Variants in STX8 observed in about 807,000 individuals in gnomAD.
STX8 encodes the protein syntaxin-8.
A neutral mutation model predicts 37.5 loss-of-function variants in STX8; 23 were observed. The observed-to-expected ratio is 0.61, with a 90% CI of 0.44 to 0.87. STX8 has a LOEUF of 0.87. Among genes scored for constraint, STX8 ranks in the 40% least tolerant of loss-of-function variants. The pLI is 0.00. For missense variants in STX8, 313 were observed against 284.7 expected (o/e 1.10, Z -0.71); for synonymous variants, 115 against 99.1 (o/e 1.16, Z -0.95).
Position 9,450,234 on chromosome 17 carries a change from C to T in STX8, c.541+41595G>A, listed in dbSNP as rs147357795. ...GGGAAAACAGGTATGCGCCACCACG[C>T]CCGGCTAATTTTTGTATTTTTAGTA... On this transcript the variant is annotated intron_variant, in intron 6 of 7. Transcript: ENST00000306357. Among the ~76,000 whole-genome samples, 533 of 151,110 alleles carry T rather than the reference C, an allele frequency of 3.5e-3. 10 individuals are homozygous for T. Among genetic ancestry groups the T allele is most frequent in the African/African-American group, 0.011 (434 of 40,852 alleles).
intron 7 of STX8, among the ~76,000 whole-genome samples, chr17:9,263,272 T>A (rs993215795): frequency 1.3e-5 from 2 of 151,814 alleles, no homozygotes; most frequent in African/African-American, 4.8e-5. Context: ...AGGTCGGGAG[T>A]TCGAGACCAG....
chr17:9,261,755 GC>G (rs1403832521), intron 7 of STX8, among the ~76,000 whole-genome samples: 2 of 152,012 alleles, frequency 1.3e-5, no homozygotes, highest in Non-Finnish European at 2.9e-5. Flanking sequence ...GAGTTGTCAA[GC>G]CAATAATTTA....
At chr17:9,561,027 AAAT>A (rs1426338300) in intron 2 of STX8, among the ~76,000 whole-genome samples, 1 of 152,172 alleles carries the variant, frequency 6.6e-6, no homozygotes, top group African/African-American at 2.4e-5. Flanking sequence ...AATGGGGAAA[AAAT>A]AAAATTAGAT....
At chr17:9,364,340 T>C (rs1911157719) in intron 7 of STX8, among the ~76,000 whole-genome samples, 1 of 152,220 alleles carries the variant, frequency 6.6e-6, no homozygotes, top group Admixed American at 6.5e-5. Flanking sequence ...ACTTAGTATA[T>C]ATTATCTTCA....
chr17:9,472,374 G>A (rs972659573), intron 6 of STX8, among the ~76,000 whole-genome samples: 1 of 152,214 alleles, frequency 6.6e-6, no homozygotes, highest in Non-Finnish European at 1.5e-5. Flanking sequence ...ATTTTAGTGG[G>A]TAGGTGAGTA....
intron 4 of STX8, among the ~76,000 whole-genome samples, chr17:9,522,850 T>C (rs1255827590): frequency 6.6e-6 from 1 of 152,108 alleles, no homozygotes. Flanking sequence ...AGTTCTGGTG[T>C]TCTGTGGCAT....
At chr17:9,317,436 G>A (rs146462020) in intron 7 of STX8, among the ~76,000 whole-genome samples, 359 of 152,244 alleles carry the variant, frequency 2.4e-3, no homozygotes, top group Middle Eastern at 0.01. Flanking sequence ...TGATAAAACC[G>A]CGCCAGGCAA....
chr17:9,341,188 T>G (rs1176133611), intron 7 of STX8, among the ~76,000 whole-genome samples: 1 of 151,936 alleles, frequency 6.6e-6, no homozygotes, highest in African/African-American at 2.4e-5. Flanking sequence ...ACTGCGATAT[T>G]GGGCCCACAT....
At chr17:9,390,979 G>A (rs1343350343) in intron 6 of STX8, among the ~76,000 whole-genome samples, 1 of 152,096 alleles carries the variant, frequency 6.6e-6, no homozygotes, top group Admixed American at 6.6e-5. Context: ...GGCAATGGCA[G>A]CAATTTAAAT....
intron 7 of STX8, among the ~76,000 whole-genome samples, chr17:9,330,209 G>A (rs1203572246): frequency 3.3e-5 from 5 of 152,178 alleles, no homozygotes; most frequent in Non-Finnish European, 7.4e-5. Flanking sequence ...TTTGAAATGC[G>A]AATTAGCTGA....
At chr17:9,395,774 A>C (rs1281042206) in intron 6 of STX8, among the ~76,000 whole-genome samples, 1 of 152,180 alleles carries the variant, frequency 6.6e-6, no homozygotes, top group Non-Finnish European at 1.5e-5. Flanking sequence ...ACAGCCAAAA[A>C]TGACTAAGAT....
chr17:9,390,276 C>G (rs112081834), intron 6 of STX8, among the ~76,000 whole-genome samples: 2,512 of 152,190 alleles, frequency 0.017, 85 homozygotes, highest in African/African-American at 0.056. Flanking sequence ...AATCCCAGCA[C>G]TTTGGGAGGC....
rs566001265 is a variant in STX8 at position 9,493,500 on chromosome 17, C to A, written c.449-1579G>T. 1.6e-3 allele frequency among the ~76,000 whole-genome samples: 239 copies of A among 152,272 alleles called. 1 individual carries two copies. Among genetic ancestry groups the A allele is most frequent in the African/African-American group, 5.2e-3 (217 of 41,564 alleles). ...TCCTCGGGCAGGTTTATAACAAGAG[C>A]GCCTCCAGGGAGGTTCTTCCCCATG... On this transcript the variant is annotated intron_variant, in intron 5 of 7. Transcript: ENST00000306357.
At chr17:9,351,740 A>G (rs949503085) in intron 7 of STX8, among the ~76,000 whole-genome samples, 1 of 152,080 alleles carries the variant, frequency 6.6e-6, no homozygotes, top group Non-Finnish European at 1.5e-5. Context: ...CATGACCCTG[A>G]TATTTTCCTT....
At chr17:9,282,450 C>T (rs1271690627) in intron 7 of STX8, among the ~76,000 whole-genome samples, 2 of 152,168 alleles carry the variant, frequency 1.3e-5, no homozygotes, top group African/African-American at 4.8e-5. Flanking sequence ...CATTTTCTTA[C>T]TATAATCCCT....
chr17:9,428,442 G>T (rs558810558), intron 6 of STX8, among the ~76,000 whole-genome samples: 1 of 152,118 alleles, frequency 6.6e-6, no homozygotes, highest in Admixed American at 6.5e-5. Context: ...GGGTTTCACC[G>T]TGTTAGCCAG....
intron 7 of STX8, among the ~76,000 whole-genome samples, chr17:9,281,199 CAGA>C (rs1268677578): frequency 1.3e-5 from 2 of 152,090 alleles, no homozygotes; most frequent in Non-Finnish European, 2.9e-5. Flanking sequence ...AGGAGTGATC[CAGA>C]AGATGACAGA....
rs112698256 is a variant in STX8 at position 9,546,683 on chromosome 17, C to G, written c.213-1401G>C. 8.6e-3 allele frequency among the ~76,000 whole-genome samples: 1,255 copies of G among 145,642 alleles called. 18 individuals are homozygous for G. The highest frequency in any genetic ancestry group is 0.03 in the African/African-American group (1,179 of 39,504). On this transcript the variant is annotated intron_variant, in intron 3 of 7. Coordinates refer to ENST00000306357, the MANE Select transcript of STX8 (RefSeq NM_004853.3). Reference sequence around the variant, plus strand: ...CGCGATCTCGGCTCACTGCAACCTCCGCCACCCGGGTTCAAGCGATTCTCC... The same window carrying G: ...CGCGATCTCGGCTCACTGCAACCTCGGCCACCCGGGTTCAAGCGATTCTCC...
chr17:9,346,018 A>C (rs571147060), intron 7 of STX8, among the ~76,000 whole-genome samples: 172 of 151,526 alleles, frequency 1.1e-3, no homozygotes, highest in African/African-American at 4.1e-3. Flanking sequence ...CACCCGGCTC[A>C]TTTTTGTATT....
Sources: allele counts gnomAD v4.1 joint callset (sites outside exome capture counted in the v4.1 genomes callset), GRCh38; gene constraint gnomAD v4.1.1; transcripts MANE v1.5; gene names NCBI Gene and HGNC (gene_info 2026-07-23, HGNC 2026-07-21).